The following DCAF8L2 variants were observed in gnomAD, a reference collection of about 807,000 sequenced individuals.
DCAF8L2 encodes the protein DDB1 and CUL4 associated factor 8 like 2.
For synonymous variants in DCAF8L2, 200 were observed against 190.9 expected, an observed-to-expected ratio of 1.05 and a Z score of -0.39; for missense variants, 430 against 490.7, an observed-to-expected ratio of 0.88 and a Z score of 1.17.
At chrX:27,736,830 A>T (rs944857808) in intron 4 of DCAF8L2, among the ~76,000 whole-genome samples, 22 of 107,634 alleles carry the variant, frequency 2.0e-4, no homozygotes, top group African/African-American at 7.2e-4. Context: ...TTTTATGGTA[A>T]GCCTAAAATA....
the DCAF8L2 span, among the ~76,000 whole-genome samples, chrX:27,577,698 A>G: frequency 9.0e-6 from 1 of 111,577 alleles, no homozygotes; most frequent in Admixed American, 9.6e-5. Flanking sequence ...CAACTTCAGC[A>G]AAGTCTCAGG....
At chrX:27,530,136 C>A in the DCAF8L2 span, among the ~76,000 whole-genome samples, 2 of 111,195 alleles carry the variant, frequency 1.8e-5, no homozygotes, top group Admixed American at 1.9e-4. Flanking sequence ...AGAACATATT[C>A]TTAGATGCCC....
chrX:27,553,195 C>T, the DCAF8L2 span, among the ~76,000 whole-genome samples: 4 of 111,216 alleles, frequency 3.6e-5, no homozygotes, highest in African/African-American at 6.5e-5. Flanking sequence ...ATATATATGA[C>T]CATGTGCTAT....
the DCAF8L2 span, among the ~76,000 whole-genome samples, chrX:27,473,057 A>G: frequency 8.9e-6 from 1 of 112,164 alleles, no homozygotes; most frequent in African/African-American, 3.2e-5. Flanking sequence ...TAGTTTTCAT[A>G]GCAGTTTGTT....
chrX:27,557,595 G>A, the DCAF8L2 span, among the ~76,000 whole-genome samples: 47,647 of 110,302 alleles, frequency 0.43, 8,702 homozygotes, highest in South Asian at 0.68. Flanking sequence ...GAATTGTGAT[G>A]CTGGAAGCTT....
chrX:27,709,963 G>GT lies in DCAF8L2; in HGVS notation c.-142-6117dup, dbSNP rs55904466. ...AAATAATATGCCCTACTTTTTCTAG[G>GT]TTTTTTTTATTTTTAGCTTTCACAT... On this transcript the variant is annotated intron_variant, in intron 3 of 4. Transcript: ENST00000451261. 5.3e-3 allele frequency among the ~76,000 whole-genome samples: 578 copies of GT among 109,293 alleles called. 3 individuals are homozygous for GT. Among genetic ancestry groups the GT allele is most frequent in the African/African-American group, 0.018 (530 of 30,107 alleles). 94.9% of individuals were successfully genotyped at this position (109,293 alleles called of 115,157 possible).
chrX:27,720,411 G>A (rs1206552763), intron 4 of DCAF8L2, among the ~76,000 whole-genome samples: 2 of 110,245 alleles, frequency 1.8e-5, no homozygotes, highest in African/African-American at 6.6e-5. Context: ...CTGTCGCCTA[G>A]GCCGGACTGC....
At chrX:27,503,248 T>C in the DCAF8L2 span, among the ~76,000 whole-genome samples, 1 of 111,427 alleles carries the variant, frequency 9.0e-6, no homozygotes, top group Admixed American at 9.6e-5. Flanking sequence ...TGTCTGAGGC[T>C]TCTCTTTTAA....
chrX:27,612,012 C>T (rs192991454), intron 1 of DCAF8L2, among the ~76,000 whole-genome samples: 3 of 111,543 alleles, frequency 2.7e-5, no homozygotes, highest in African/African-American at 6.5e-5. Flanking sequence ...CTTGAGGAAT[C>T]GCCACACTGT....
At chrX:27,574,269 T>C in the DCAF8L2 span, among the ~76,000 whole-genome samples, 8 of 111,714 alleles carry the variant, frequency 7.2e-5, no homozygotes, top group African/African-American at 9.8e-5. Context: ...AATATGGGCA[T>C]GTGGCAGCAG....
intron 3 of DCAF8L2, among the ~76,000 whole-genome samples, chrX:27,698,732 A>T (rs1289972855): frequency 1.8e-5 from 2 of 111,751 alleles, no homozygotes; most frequent in African/African-American, 6.5e-5. Flanking sequence ...CTGACTTTTA[A>T]AAAAAATGAC....
intron 3 of DCAF8L2, among the ~76,000 whole-genome samples, chrX:27,693,458 C>A (rs992038102): frequency 9.0e-6 from 1 of 111,152 alleles, no homozygotes; most frequent in African/African-American, 3.3e-5. Context: ...ACTTCTATCC[C>A]CTCCTATTTT....
At chrX:27,620,146 C>T (rs1602664710) in intron 1 of DCAF8L2, among the ~76,000 whole-genome samples, 1 of 111,659 alleles carries the variant, frequency 9.0e-6, no homozygotes, top group East Asian at 2.8e-4. Flanking sequence ...TTTGAGAGCT[C>T]AATATCACCC....
intron 3 of DCAF8L2, among the ~76,000 whole-genome samples, chrX:27,698,542 C>T (rs771650272): frequency 1.7e-4 from 19 of 112,093 alleles, no homozygotes; most frequent in Non-Finnish European, 3.0e-4. Flanking sequence ...TTGCTACAGT[C>T]ATGTTGCTAC....
the DCAF8L2 span, among the ~76,000 whole-genome samples, chrX:27,549,401 T>G: frequency 7.2e-5 from 8 of 111,659 alleles, no homozygotes; most frequent in African/African-American, 2.6e-4. Context: ...TTGAAAATAA[T>G]AGTCTATAGT....
chrX:27,718,784 A>G (rs922144437), intron 4 of DCAF8L2, among the ~76,000 whole-genome samples: 2 of 111,489 alleles, frequency 1.8e-5, no homozygotes, highest in South Asian at 3.8e-4. Context: ...TGGCTTTCCA[A>G]ATGGAATTTA....
chrX:27,523,838 A>G, the DCAF8L2 span, among the ~76,000 whole-genome samples: 7 of 110,307 alleles, frequency 6.3e-5, no homozygotes, highest in South Asian at 4.0e-4. Context: ...TCATTGTTCA[A>G]TTCCCACCTA....
At chrX:27,682,780 GA>G (rs11329822) in intron 3 of DCAF8L2, among the ~76,000 whole-genome samples, 10,093 of 106,127 alleles carry the variant, frequency 0.095, 1,155 homozygotes, top group African/African-American at 0.32. Flanking sequence ...TATTTCTCAA[GA>G]AAAAAAAAAT....
At chrX:27,650,463 A>G (rs1034315282) in intron 2 of DCAF8L2, among the ~76,000 whole-genome samples, 2 of 112,207 alleles carry the variant, frequency 1.8e-5, no homozygotes, top group African/African-American at 6.5e-5. Flanking sequence ...TGTGTCATCT[A>G]TGACTAATTT....
Sources: allele counts gnomAD v4.1 joint callset (sites outside exome capture counted in the v4.1 genomes callset), GRCh38; gene constraint gnomAD v4.1.1; transcripts MANE v1.5; gene names NCBI Gene and HGNC (gene_info 2026-07-23, HGNC 2026-07-21).